LCLAT1: variants seen among roughly 807,000 people sequenced by gnomAD.
LCLAT1 encodes the protein 1-AGP acyltransferase 8.
In LCLAT1, 11 loss-of-function variants were observed where a neutral mutation model predicts 30.7. That is an observed-to-expected ratio of 0.36 (90% CI 0.23 to 0.59). The LOEUF is 0.59. LCLAT1 is among the 20% of genes least tolerant of loss of function. The probability of loss-of-function intolerance (pLI) is 0.77; values close to 1 mark genes in which losing one functional copy is unlikely to be tolerated. For missense variants in LCLAT1, 402 were observed against 458.6 expected (o/e 0.88, Z 1.13); for synonymous variants, 155 against 151.3 (o/e 1.02, Z -0.18).
At chr2:30,597,947 G>A (rs1273856736) in intron 5 of LCLAT1, among the ~76,000 whole-genome samples, 4 of 152,132 alleles carry the variant, frequency 2.6e-5, no homozygotes, top group African/African-American at 4.8e-5. Flanking sequence ...TACATTTGTT[G>A]ATTTGCATTA....
chr2:30,610,050 T>C (rs568319702), intron 5 of LCLAT1, among the ~76,000 whole-genome samples: 2 of 152,174 alleles, frequency 1.3e-5, no homozygotes, highest in African/African-American at 2.4e-5. Context: ...AGGACAAATA[T>C]GCAGTTTCTA....
intron 5 of LCLAT1, among the ~76,000 whole-genome samples, chr2:30,604,660 C>CAAAAAAAAA (rs71405526): frequency 2.1e-5 from 2 of 95,872 alleles, no homozygotes; most frequent in African/African-American, 3.9e-5. Context: ...GACTCCGTCT[C>CAAAAAAAAA]AAAAAAAAAA....
intron 3 of LCLAT1, among the ~76,000 whole-genome samples, chr2:30,539,584 A>G (rs1664028292): frequency 6.6e-6 from 1 of 152,064 alleles, no homozygotes; most frequent in Admixed American, 6.6e-5. Context: ...ATAAACAAAA[A>G]CCTTAGATTA....
At position 30,466,316 on chromosome 2, in the gene LCLAT1, G is replaced by C. The variant is rs1217083242; in HGVS notation, c.-5+18933G>C. On this transcript the variant is annotated intron_variant, in intron 1 of 5. Coordinates refer to ENST00000379509, the MANE Select transcript of LCLAT1 (RefSeq NM_001002257.3). ...TCACTGCCACCTAGGCTGGGCTGGA[G>C]CTCCTAGACTCAAGTGATCCTCCCA... Among the ~76,000 whole-genome samples, 3 of 149,570 alleles carry C rather than the reference G, an allele frequency of 2.0e-5. No individual in the cohort carries two copies. The Admixed American group carries it at 2.0e-4, about 10-fold the overall frequency.
intron 1 of LCLAT1, among the ~76,000 whole-genome samples, chr2:30,483,182 C>T (rs931519348): frequency 3.3e-5 from 5 of 152,056 alleles, no homozygotes; most frequent in African/African-American, 1.2e-4. Flanking sequence ...TCTGTCCTAT[C>T]ATCACAATTT....
At chr2:30,579,143 G>C (rs574222252) in intron 5 of LCLAT1, among the ~76,000 whole-genome samples, 11 of 152,164 alleles carry the variant, frequency 7.2e-5, no homozygotes, top group African/African-American at 2.6e-4. Context: ...TTTAATGAAG[G>C]CTTATATTTT....
At chr2:30,593,712 A>T (rs562244528) in intron 5 of LCLAT1, among the ~76,000 whole-genome samples, 1 of 152,290 alleles carries the variant, frequency 6.6e-6, no homozygotes, top group South Asian at 2.1e-4. Flanking sequence ...TGAACTGGAA[A>T]ATAGTTTCTC....
At chr2:30,468,735 A>G (rs189463950) in intron 1 of LCLAT1, among the ~76,000 whole-genome samples, 227 of 152,268 alleles carry the variant, frequency 1.5e-3, no homozygotes, top group African/African-American at 5.0e-3. Context: ...TTTCATTTCT[A>G]TGGATTTGCC....
At chr2:30,625,837 G>A (rs1231617567) in intron 5 of LCLAT1, among the ~76,000 whole-genome samples, 1 of 152,184 alleles carries the variant, frequency 6.6e-6, no homozygotes, top group Non-Finnish European at 1.5e-5. Flanking sequence ...CATACGATAA[G>A]TGACCACTAA....
At chr2:30,559,455 C>T (rs893144636) in intron 3 of LCLAT1, among the ~76,000 whole-genome samples, 8 of 152,178 alleles carry the variant, frequency 5.3e-5, no homozygotes, top group Non-Finnish European at 5.9e-5. Context: ...TTATCTAAGT[C>T]TTGCATTCAT....
At chr2:30,514,391 A>G (rs917304838) in intron 1 of LCLAT1, among the ~76,000 whole-genome samples, 1 of 152,252 alleles carries the variant, frequency 6.6e-6, no homozygotes, top group Non-Finnish European at 1.5e-5. Context: ...ACAGTTGGCC[A>G]GAGTCATTAA....
chr2:30,635,092 T>C (rs1668959079), intron 5 of LCLAT1, among the ~76,000 whole-genome samples: 1 of 152,138 alleles, frequency 6.6e-6, no homozygotes, highest in East Asian at 1.9e-4. Context: ...ATTTACTTAA[T>C]ATAAAGCTTT....
At chr2:30,484,157 C>A (rs1271908724) in intron 1 of LCLAT1, among the ~76,000 whole-genome samples, 6 of 152,148 alleles carry the variant, frequency 3.9e-5, no homozygotes, top group Non-Finnish European at 1.5e-5. Context: ...GCTGATCCAT[C>A]ATATTCTCTG....
intron 5 of LCLAT1, among the ~76,000 whole-genome samples, chr2:30,626,504 A>T (rs543625586): frequency 2.8e-4 from 43 of 152,310 alleles, no homozygotes; most frequent in Middle Eastern, 3.4e-3. Flanking sequence ...TTCTGTATTT[A>T]TGATTTTAGT....
At chr2:30,582,231 G>A (rs1484314032) in intron 5 of LCLAT1, among the ~76,000 whole-genome samples, 1 of 149,698 alleles carries the variant, frequency 6.7e-6, no homozygotes, top group Non-Finnish European at 1.5e-5. Flanking sequence ...CATGGCAATG[G>A]TGCTAAATTG....
chr2:30,604,660 CAAAAAA>C (rs71405526), intron 5 of LCLAT1, among the ~76,000 whole-genome samples: 25 of 95,886 alleles, frequency 2.6e-4, no homozygotes, highest in Middle Eastern at 7.2e-3. Context: ...GACTCCGTCT[CAAAAAA>C]AAAAAAAAAA....
chr2:30,537,364 G>A (rs988660127), intron 3 of LCLAT1, among the ~76,000 whole-genome samples: 3 of 151,152 alleles, frequency 2.0e-5, no homozygotes, highest in African/African-American at 7.3e-5. Flanking sequence ...GTCCGGCCTG[G>A]GCGACAGAGC....
At chr2:30,608,911 C>G (rs1375093515) in intron 5 of LCLAT1, among the ~76,000 whole-genome samples, 1 of 152,140 alleles carries the variant, frequency 6.6e-6, no homozygotes, top group African/African-American at 2.4e-5. Context: ...TAGATACTCC[C>G]CTCTAAACAC....
chr2:30,528,805 T>G (rs1685857666), intron 2 of LCLAT1, among the ~76,000 whole-genome samples: 1 of 152,226 alleles, frequency 6.6e-6, no homozygotes, highest in South Asian at 2.1e-4. Context: ...ACTCAGCTGT[T>G]TAGTTTACTA....
Sources: gnomAD v4.1 joint callset for allele counts (sites outside exome capture counted in the v4.1 genomes callset) on GRCh38, gnomAD v4.1.1 for gene constraint, MANE v1.5 for transcripts, NCBI Gene and HGNC (gene_info 2026-07-23, HGNC 2026-07-21) for gene names.